RRAGB: variants seen among roughly 807,000 people sequenced by gnomAD.
RRAGB encodes Ras related GTP binding B.
Under a neutral mutation model 29.3 loss-of-function variants are expected in RRAGB, and 6 were observed. The ratio of observed to expected loss-of-function variants is 0.21; its 90% CI spans 0.11 to 0.40. The LOEUF is 0.40. RRAGB is among the 10% of genes least tolerant of loss of function. The pLI is 1.00. For missense variants in RRAGB, 184 were observed against 272.9 expected (o/e 0.67, Z 2.29); for synonymous variants, 101 against 92.5 (o/e 1.09, Z -0.53).
intron 2 of RRAGB, among the ~76,000 whole-genome samples, chrX:55,720,943 A>C (rs1418282102): frequency 1.8e-5 from 2 of 111,958 alleles, no homozygotes; most frequent in Non-Finnish European, 3.8e-5. Context: ...ATATTTCATA[A>C]ATTCTAGATT....
Position 55,749,556 on chromosome X carries a change from G to A in RRAGB, c.517-1545G>A, listed in dbSNP as rs762124733. 2.2e-4 allele frequency among the ~76,000 whole-genome samples: 24 copies of A among 111,479 alleles called. No homozygotes were observed. The South Asian group carries it at 6.9e-3, about 32-fold the overall frequency. ...GTGTACCCAACAGCTCATTGAGAAC[G>A]GGCCATGATGACAATGGCGGTTTTG... On this transcript the variant is annotated intron_variant, in intron 5 of 9. Coordinates refer to ENST00000374941, the MANE Select transcript of RRAGB (RefSeq NM_006064.5).
At chrX:55,740,216 G>A (rs1177550295) in intron 5 of RRAGB, among the ~76,000 whole-genome samples, 1 of 110,742 alleles carries the variant, frequency 9.0e-6, no homozygotes, top group Non-Finnish European at 1.9e-5. Context: ...CCAGCTACTC[G>A]GGAGGCTGAG....
intron 5 of RRAGB, among the ~76,000 whole-genome samples, chrX:55,735,270 G>C (rs1225777883): frequency 1.8e-5 from 2 of 112,154 alleles, no homozygotes; most frequent in East Asian, 5.5e-4. Context: ...CTTAGGTCTA[G>C]TAGTTTCTGT....
chrX:55,729,214 TTTCATGGG>T, intron 3 of RRAGB, 72 bp from the exon 4 acceptor site: 1 of 698,017 alleles, frequency 1.4e-6, no homozygotes, highest in Non-Finnish European at 2.3e-6. Context: ...TCCTTCTAAA[TTTCATGGG>T]TTAGTGCTTT....
At chrX:55,734,553 C>G (rs886237871) in intron 5 of RRAGB, among the ~76,000 whole-genome samples, 2 of 111,263 alleles carry the variant, frequency 1.8e-5, no homozygotes, top group Admixed American at 9.5e-5. Flanking sequence ...TTTAGTTTAT[C>G]TTTTCAAAGA....
intron 4 of RRAGB, among the ~76,000 whole-genome samples, chrX:55,729,575 A>G (rs937601979): frequency 1.8e-5 from 2 of 111,535 alleles, no homozygotes; most frequent in African/African-American, 6.5e-5. Flanking sequence ...CGCTAATCCA[A>G]GCTCCATCTA....
chrX:55,746,810 T>C (rs772313612), intron 5 of RRAGB, among the ~76,000 whole-genome samples: 1 of 111,997 alleles, frequency 8.9e-6, no homozygotes, highest in Non-Finnish European at 1.9e-5. Flanking sequence ...TGTTAAAAGC[T>C]CTTTCTTACC....
At chrX:55,726,972 T>C (rs2033501916) in intron 3 of RRAGB, among the ~76,000 whole-genome samples, 1 of 111,303 alleles carries the variant, frequency 9.0e-6, no homozygotes, top group Non-Finnish European at 1.9e-5. Context: ...CCTGAAGAGC[T>C]CCAACATTTA....
chrX:55,737,844 G>A (rs972060513), intron 5 of RRAGB, among the ~76,000 whole-genome samples: 1 of 112,858 alleles, frequency 8.9e-6, no homozygotes, highest in African/African-American at 3.2e-5. Flanking sequence ...GCAAAACAAA[G>A]TCTCACAATG....
At chrX:55,750,840 A>G (rs766467579) in intron 5 of RRAGB, among the ~76,000 whole-genome samples, 1 of 112,009 alleles carries the variant, frequency 8.9e-6, no homozygotes, top group South Asian at 3.7e-4. Context: ...ACTCCTCTGT[A>G]TGATAAGCTT....
chrX:55,757,075 T>A (rs2034675349), intron 8 of RRAGB, 141 bp from the exon 9 acceptor site: 1 of 322,946 alleles, frequency 3.1e-6, no homozygotes, highest in Non-Finnish European at 5.5e-6. Context: ...AAAAGTAGAG[T>A]TAGTGATTAA....
chrX:55,719,661 C>T (rs906647437), intron 2 of RRAGB, among the ~76,000 whole-genome samples: 1 of 112,131 alleles, frequency 8.9e-6, no homozygotes, highest in Non-Finnish European at 1.9e-5. Context: ...TATCACAGCC[C>T]TACAGAATTT....
chrX:55,757,236 A>G lies in RRAGB; in HGVS notation c.848A>G (p.Gln283Arg), dbSNP rs892192011. The change falls in exon 9 of 10, where the codon CAG becomes CGG. Residue 283 changes from glutamine (Q) to arginine (R), a missense_variant. By Grantham distance (43) the Gln-to-Arg change is conservative (BLOSUM62 1). Coordinates refer to ENST00000374941, the MANE Select transcript of RRAGB (RefSeq NM_006064.5). ...LSCSKLAASF[Q>R]SMEVRNSNFA... ...TATAGCAAGCTGGCTGCCTCTTTCC[A>G]GAGTATGGAAGTCAGGAACTCTAAC... The G allele has an allele frequency of 1.4e-5, 17 of 1,183,103 alleles. No individual in the cohort carries two copies. The highest frequency in any genetic ancestry group is 2.2e-5 in the Admixed American group (1 of 45,431).
chrX:55,739,862 G>A (rs918499146), intron 5 of RRAGB, among the ~76,000 whole-genome samples: 2 of 111,827 alleles, frequency 1.8e-5, no homozygotes, highest in Non-Finnish European at 3.8e-5. Flanking sequence ...TTTTCTAAAT[G>A]CGTATATAAA....
intron 3 of RRAGB, among the ~76,000 whole-genome samples, chrX:55,725,300 T>C (rs1000740166): frequency 1.3e-4 from 15 of 112,197 alleles, no homozygotes; most frequent in Non-Finnish European, 5.6e-5. Flanking sequence ...TAGTAATCAC[T>C]GTATCTCCTT....
At chrX:55,749,613 G>C (rs2147120815) in intron 5 of RRAGB, among the ~76,000 whole-genome samples, 1 of 110,868 alleles carries the variant, frequency 9.0e-6, no homozygotes, top group East Asian at 2.9e-4. Flanking sequence ...GTGGGGAAAA[G>C]ATTGAGAAAT....
intron 2 of RRAGB, among the ~76,000 whole-genome samples, chrX:55,721,433 G>A (rs2033275880): frequency 1.8e-5 from 2 of 112,089 alleles, no homozygotes; most frequent in Admixed American, 9.5e-5. Flanking sequence ...TTTAGCTGAA[G>A]GAAGAAAAGA....
At chrX:55,724,313 C>G (rs1240430034) in intron 3 of RRAGB, among the ~76,000 whole-genome samples, 2 of 112,027 alleles carry the variant, frequency 1.8e-5, no homozygotes, top group African/African-American at 3.2e-5. Context: ...ACTGTGAAAT[C>G]CAGAACAAGT....
chrX:55,741,699 T>C (rs1430693339), intron 5 of RRAGB, among the ~76,000 whole-genome samples: 1 of 111,688 alleles, frequency 9.0e-6, no homozygotes, highest in Admixed American at 9.5e-5. Flanking sequence ...GAGAGGGGTA[T>C]TTATTTTAAG....
Sources: gnomAD v4.1 joint callset for allele counts (sites outside exome capture counted in the v4.1 genomes callset) on GRCh38, gnomAD v4.1.1 for gene constraint, MANE v1.5 for transcripts, NCBI Gene and HGNC (gene_info 2026-07-23, HGNC 2026-07-21) for gene names.